Variants in LRRC75B observed in about 807,000 individuals in gnomAD.
The protein encoded by LRRC75B is leucine-rich repeat-containing protein 75B.
A neutral mutation model predicts 16.5 loss-of-function variants in LRRC75B; 20 were observed. The ratio of observed to expected loss-of-function variants is 1.21; its 90% CI spans 0.85 to 1.76. The LOEUF is 1.76. Ranked by LOEUF, LRRC75B falls within the 40% of genes most tolerant of loss-of-function variation. LRRC75B has a pLI of 0.00. For synonymous variants in LRRC75B, 199 were observed against 198.1 expected (o/e 1.00, Z -0.04); for missense variants, 406 against 417.0 (o/e 0.97, Z 0.23).
intron 2 of LRRC75B, 85 bp from the exon 3 acceptor site, chr22:24,588,414 G>A: frequency 1.9e-6 from 2 of 1,044,052 alleles, no homozygotes; most frequent in Non-Finnish European, 2.9e-6. Context: ...AGGCAGCCAA[G>A]TGTGTGTGTG....
chr22:24,592,804 C>T (rs2045612028), intron 1 of LRRC75B, 59 bp downstream of exon 1: 1 of 1,247,806 alleles, frequency 8.0e-7, no homozygotes, highest in Non-Finnish European at 1.0e-6. Context: ...CTCCCAGACC[C>T]CCAGACCCCC....
At position 24,592,812 on chromosome 22, in the gene LRRC75B, C is replaced by G. The variant is rs1011992746; in HGVS notation, c.177+51G>C. On this transcript the variant is annotated intron_variant, in intron 1 of 3. Transcript: ENST00000318753. ...CCCGCGCCTCCCAGACCCCCAGACC[C>G]CCAGACCCTCCCTGGCCGCCAGCCC... 5 of 1,266,004 alleles carry G rather than the reference C, an allele frequency of 3.9e-6. 1 individual carries two copies. In the African/African-American group the frequency reaches 7.9e-5, roughly 20 times the overall value. The allele number at this position is 1,266,004 out of a possible 1,614,324, so 78.4% of individuals were successfully genotyped here.
chr22:24,589,094 A>C (rs901365963), intron 2 of LRRC75B: 19 of 1,096,450 alleles, frequency 1.7e-5, no homozygotes, highest in Non-Finnish European at 2.1e-5. Flanking sequence ...CTGTGCAGAG[A>C]CCTGGGCATT....
intron 1 of LRRC75B, 197 bp downstream of exon 1, chr22:24,592,666 G>A (rs1338624770): frequency 1.1e-5 from 10 of 937,948 alleles, no homozygotes; most frequent in East Asian, 3.6e-5. Flanking sequence ...CCAGGCGGTC[G>A]CCCTCTCGCC....
chr22:24,591,391 T>G (rs1408444826), intron 1 of LRRC75B, among the ~76,000 whole-genome samples: 1 of 152,204 alleles, frequency 6.6e-6, no homozygotes, highest in Non-Finnish European at 1.5e-5. Flanking sequence ...GAGGGTCTCT[T>G]TAGAGGACAT....
rs1193160919 is a variant in LRRC75B, at chr22:24,586,361, A to C, written c.473T>G (p.Leu158Arg). The C allele has an allele frequency of 1.9e-6, 3 of 1,613,736 alleles. No homozygotes were observed. The highest frequency in any genetic ancestry group is 2.7e-5 in the African/African-American group (2 of 74,938). ...KTLLAGETVD[L>R]SGIPLSTQDV... ...CTGTGTCGACAGCGGGATGCCTGAG[A>C]GGTCCACAGTCTCCCCTGCCAGCAG... The change falls in exon 4 of 4, where the codon CTC becomes CGC. Residue 158 changes from leucine to arginine, a missense_variant. Physicochemically the swap from Leu to Arg is moderately radical, Grantham distance 102 (BLOSUM62 -2). Transcript: ENST00000318753.
rs974277856 is a variant in LRRC75B, at chr22:24,590,052, A to G, written c.178-103T>C. 14 of 1,320,566 alleles carry G rather than the reference A, an allele frequency of 1.1e-5. No homozygotes were observed. The Admixed American group carries it at 3.8e-4, about 36-fold the overall frequency. 81.8% of individuals were successfully genotyped at this position (1,320,566 alleles called of 1,614,324 possible). On this transcript the variant is annotated intron_variant, in intron 1 of 3. Transcript: ENST00000318753. Reference sequence around the variant, plus strand: ...TGCTTATGCCCGTTCCTGTCTCTCCATCTCCTCCCTAAGGCTGGCTGGATT... The same window carrying G: ...TGCTTATGCCCGTTCCTGTCTCTCCGTCTCCTCCCTAAGGCTGGCTGGATT...
At position 24,586,263 on chromosome 22, in the gene LRRC75B, C is replaced by G. The variant is rs376853405; in HGVS notation, c.571G>C (p.Gly191Arg). Residue 191 changes from glycine to arginine, a missense_variant, in exon 4 of 4, where the codon GGG becomes CGG. By Grantham distance (125) the Gly-to-Arg change is moderately radical. Coordinates refer to ENST00000318753, the MANE Select transcript of LRRC75B (RefSeq NM_207644.3). ...AGGTGCAGCAGCTCATCACTCAGCC[C>G]CGTGAAGCTCAGGTCCAGCACCGCC... ...VLAVLDLSFT[G>R]LSDELLHLLL... 3.4e-5 allele frequency: 55 copies of G among 1,613,770 alleles called. No individual in the cohort carries two copies. In the Middle Eastern group the frequency reaches 4.9e-4, roughly 14 times the overall value.
intron 1 of LRRC75B, chr22:24,592,133 T>C: frequency 8.1e-6 from 3 of 371,626 alleles, no homozygotes; most frequent in South Asian, 5.7e-5. Context: ...GGGGACGGGG[T>C]GGTGAGGGAA....
intron 1 of LRRC75B, 42 bp downstream of exon 1, chr22:24,592,821 T>G (rs2045613156): frequency 5.6e-6 from 7 of 1,251,364 alleles, no homozygotes; most frequent in Admixed American, 4.2e-5. Context: ...CCCCAGACCC[T>G]CCCTGGCCGC....
chr22:24,587,853 C>T (rs2045444578), intron 3 of LRRC75B, among the ~76,000 whole-genome samples: 1 of 152,196 alleles, frequency 6.6e-6, no homozygotes, highest in South Asian at 2.1e-4. Context: ...ATCTGCCTCC[C>T]CCGCAACCTG....
At position 24,586,327 on chromosome 22, in the gene LRRC75B, T is replaced by C. The variant is rs1337597498; in HGVS notation, c.507A>G (p.Gln169=). Residue 169 remains glutamine, a synonymous_variant, in exon 4 of 4, where the codon CAA becomes CAG. Transcript: ENST00000318753. ...SGIPLSTQDV[Q]HITRYLSSHG... is the part of the protein sequence containing the mutation. ...GGCTGCTCAGGTAGCGTGTGATGTG[T>C]TGCACGTCCTGTGTCGACAGCGGGA... 1 of 1,613,864 alleles carries C rather than the reference T, an allele frequency of 6.2e-7. No homozygotes were observed.
At position 24,587,076 on chromosome 22, in the gene LRRC75B, C is replaced by G. The variant is rs550366204; in HGVS notation, c.423-665G>C. Among the ~76,000 whole-genome samples the G allele has an allele frequency of 3.3e-5, 5 of 152,322 alleles. No homozygotes were observed. In the South Asian group the frequency reaches 1.0e-3, roughly 32 times the overall value. The stretch of plus-strand genomic sequence containing the variant: ...TGGCCACACACCACTAAGCGGGGAA[C>G]CAGGTCCTCAAACTGAGATGCTCTG... On this transcript the variant is annotated intron_variant, in intron 3 of 3. Transcript: ENST00000318753.
chr22:24,591,400 A>G (rs927655895), intron 1 of LRRC75B, among the ~76,000 whole-genome samples: 4 of 152,192 alleles, frequency 2.6e-5, no homozygotes, highest in Non-Finnish European at 5.9e-5. Context: ...TTTAGAGGAC[A>G]TTTTGAGAGC....
At chr22:24,588,526 C>T (rs1297137154) in intron 2 of LRRC75B, 197 bp from the exon 3 acceptor site, 6 of 764,378 alleles carry the variant, frequency 7.8e-6, no homozygotes, top group East Asian at 5.7e-5. Context: ...GGAGGCTGCC[C>T]TCTGGGAGCT....
chr22:24,588,836 G>A lies in LRRC75B; in HGVS notation c.307-507C>T, dbSNP rs144638642. On this transcript the variant is annotated intron_variant, in intron 2 of 3. Coordinates refer to ENST00000318753, the MANE Select transcript of LRRC75B (RefSeq NM_207644.3). ...GGTCTGGGTCTGGGCTGACAGGGCTGGGGGATGTAATGTTTTACAGCACCA... is the reference window on the plus strand; with the variant it reads ...GGTCTGGGTCTGGGCTGACAGGGCTAGGGGATGTAATGTTTTACAGCACCA... 2.1e-4 allele frequency: 215 copies of A among 1,012,358 alleles called. 2 individuals carry two copies. In the African/African-American group the frequency reaches 3.1e-3, roughly 14 times the overall value. The allele number at this position is 1,012,358 out of a possible 1,614,324, so 62.7% of individuals were successfully genotyped here.
Position 24,593,002 on chromosome 22 carries a change from G to T in LRRC75B, c.38C>A (p.Ala13Asp). Residue 13 changes from alanine to aspartate, a missense_variant, in exon 1 of 4, where the codon GCT (alanine) becomes GAT (aspartate). Physicochemically the swap from Ala to Asp is moderately radical, Grantham distance 126 (BLOSUM62 -2). Transcript: ENST00000318753. ...ARLGRRAGPE[A>D]GSEAGAAAGC... ...GGCCGCCGCCCCGGCCTCAGAGCCA[G>T]CCTCGGGCCCGGCCCGCCGGCCCAG... 1 of 1,133,860 alleles carries T rather than the reference G, an allele frequency of 8.8e-7. No homozygotes were observed. The highest frequency in any genetic ancestry group is 1.1e-6 in the Non-Finnish European group (1 of 925,578). The allele number at this position is 1,133,860 out of a possible 1,614,324, so 70.2% of individuals were successfully genotyped here. A position where few individuals can be genotyped will look rare whatever the true frequency, so the allele number is the denominator to read the frequency against.
Position 24,586,017 on chromosome 22 carries a change from G to A in LRRC75B, c.817C>T (p.Leu273Phe), listed in dbSNP as rs746794016. 1.9e-6 allele frequency: 3 copies of A among 1,611,008 alleles called. No homozygotes were observed. The highest frequency in any genetic ancestry group is 2.7e-5 in the African/African-American group (2 of 74,950). Residue 273 changes from leucine to phenylalanine, a missense_variant, in exon 4 of 4, where the codon CTC becomes TTC. By Grantham distance (22) the Leu-to-Phe change is conservative (BLOSUM62 0). Transcript: ENST00000318753. ...LRRRLSQRTS[L>F]PTIYEGLDLE... is the part of the protein sequence containing the mutation. ...TCCAGGCCCTCGTAGATGGTGGGGA[G>A]TGAGGTGCGCTGGCTCAGCCGCCGG...
chr22:24,589,059 C>T (rs1408083012), intron 2 of LRRC75B: 1 of 1,030,440 alleles, frequency 9.7e-7, no homozygotes, highest in Non-Finnish European at 1.2e-6. Flanking sequence ...TGGCCGTGGG[C>T]TAGGCGCAGA....
Sources: allele counts gnomAD v4.1 joint callset (sites outside exome capture counted in the v4.1 genomes callset), GRCh38; gene constraint gnomAD v4.1.1; transcripts MANE v1.5; gene names NCBI Gene and HGNC (gene_info 2026-07-23, HGNC 2026-07-21).